Variants in KLHL1 observed in about 807,000 individuals in gnomAD.
KLHL1 encodes the protein kelch like family member 1.
In KLHL1, 47 loss-of-function variants were observed where a neutral mutation model predicts 77.7. The observed-to-expected ratio is 0.60, with a 90% CI of 0.48 to 0.77. The LOEUF (loss-of-function observed/expected upper bound fraction) is 0.77. KLHL1 is among the 30% of genes least tolerant of loss of function. KLHL1 has a pLI of 0.00. For synonymous variants in KLHL1, 360 were observed against 325.2 expected (o/e 1.11, Z -1.15); for missense variants, 925 against 910.8 (o/e 1.02, Z -0.20).
At chr13:69,861,804 A>C (rs906914765) in intron 5 of KLHL1, among the ~76,000 whole-genome samples, 2 of 148,120 alleles carry the variant, frequency 1.4e-5, no homozygotes, top group African/African-American at 2.5e-5. Flanking sequence ...AAAAAAAAAA[A>C]AAAATACAAA....
intron 1 of KLHL1, among the ~76,000 whole-genome samples, chr13:70,021,330 T>A (rs988378911): frequency 6.6e-6 from 1 of 152,148 alleles, no homozygotes; most frequent in Non-Finnish European, 1.5e-5. Context: ...TGGCTTTTCA[T>A]GGCTTGATAG....
chr13:69,771,809 T>C (rs1875582186), intron 7 of KLHL1, among the ~76,000 whole-genome samples: 1 of 152,130 alleles, frequency 6.6e-6, no homozygotes, highest in African/African-American at 2.4e-5. Flanking sequence ...TATTTGTCTT[T>C]TACTCTGAAA....
At chr13:69,735,929 T>C (rs1873742422) in intron 8 of KLHL1, among the ~76,000 whole-genome samples, 1 of 152,166 alleles carries the variant, frequency 6.6e-6, no homozygotes, top group African/African-American at 2.4e-5. Context: ...AAACAAAATA[T>C]ATAATGTGAA....
At chr13:69,999,186 C>T (rs759036895) in intron 1 of KLHL1, among the ~76,000 whole-genome samples, 33 of 152,036 alleles carry the variant, frequency 2.2e-4, no homozygotes, top group South Asian at 4.1e-4. Context: ...TATAATGTAA[C>T]ATAATCACAG....
chr13:69,924,571 T>C (rs925717013), intron 4 of KLHL1, among the ~76,000 whole-genome samples: 2 of 152,172 alleles, frequency 1.3e-5, no homozygotes, highest in African/African-American at 2.4e-5. Context: ...ATAAAACTCC[T>C]GTTTGTCTTG....
intron 4 of KLHL1, among the ~76,000 whole-genome samples, chr13:69,884,563 A>T (rs1245447128): frequency 1.3e-5 from 2 of 152,158 alleles, no homozygotes; most frequent in African/African-American, 4.8e-5. Flanking sequence ...TAGCTAGGCC[A>T]TCAAAATATA....
intron 1 of KLHL1, among the ~76,000 whole-genome samples, chr13:69,994,254 G>C (rs1885094252): frequency 6.6e-6 from 1 of 152,106 alleles, no homozygotes; most frequent in Admixed American, 6.6e-5. Context: ...TATTAATGAG[G>C]CCTGGTTGGG....
rs1887547403 is a variant in KLHL1 at position 70,086,600 on chromosome 13, AAGAAAGAAAGAAAGAAAG to A, written c.497+20585_497+20602del. On this transcript the variant is annotated intron_variant, in intron 1 of 10. Transcript: ENST00000377844. ...AAAAAAAAAAAAAAAAAAAGAAAGAAAGAAAGAAAGAAAGAAAGAAAGAAAGAAAGAAAAAAGAAAAAG... is the reference window on the plus strand; with the variant it reads ...AAAAAAAAAAAAAAAAAAAGAAAGAAAAAGAAAGAAAGAAAAAAGAAAAAG... Among the ~76,000 whole-genome samples the A allele has an allele frequency of 7.9e-4, 30 of 38,026 alleles. 2 individuals carry two copies. The highest frequency in any genetic ancestry group is 1.2e-3 in the Non-Finnish European group (23 of 19,072). 24.9% of individuals were successfully genotyped at this position (38,026 alleles called of 152,430 possible). A position where few individuals can be genotyped will look rare whatever the true frequency, so the allele number is the denominator to read the frequency against.
At chr13:70,028,150 A>G (rs1453786498) in intron 1 of KLHL1, among the ~76,000 whole-genome samples, 1 of 152,202 alleles carries the variant, frequency 6.6e-6, no homozygotes, top group Non-Finnish European at 1.5e-5. Flanking sequence ...GAGAAATAAG[A>G]AATAAAACCA....
At chr13:70,010,714 A>G (rs2137337492) in intron 1 of KLHL1, among the ~76,000 whole-genome samples, 1 of 151,988 alleles carries the variant, frequency 6.6e-6, no homozygotes, top group Admixed American at 6.6e-5. Context: ...AATATGGTGA[A>G]ACCCCATCTC....
rs79790092 is a variant in KLHL1 at position 69,750,935 on chromosome 13, G to C, written c.1640-10379C>G. 5.8e-3 allele frequency among the ~76,000 whole-genome samples: 881 copies of C among 152,070 alleles called. 18 individuals carry two copies. Among genetic ancestry groups the C allele is most frequent in the African/African-American group, 0.02 (849 of 41,498 alleles). On this transcript the variant is annotated intron_variant, in intron 7 of 10. Transcript: ENST00000377844. ...TTCTAATTTAATTGAACTGGGATGA[G>C]GTCCAGACACAGAGATGTTTAAAAG...
chr13:70,029,733 G>A (rs1886047959), intron 1 of KLHL1, among the ~76,000 whole-genome samples: 1 of 152,124 alleles, frequency 6.6e-6, no homozygotes, highest in South Asian at 2.1e-4. Context: ...ATAATGACAG[G>A]ATCATATTCA....
chr13:69,718,523 G>C (rs1049011068), intron 9 of KLHL1, among the ~76,000 whole-genome samples: 2 of 151,358 alleles, frequency 1.3e-5, no homozygotes, highest in African/African-American at 4.9e-5. Flanking sequence ...TTATTTGTTA[G>C]AGTAGAGTTA....
intron 6 of KLHL1, among the ~76,000 whole-genome samples, chr13:69,805,721 C>T (rs1362784046): frequency 1.3e-5 from 2 of 150,276 alleles, no homozygotes; most frequent in Admixed American, 1.3e-4. Flanking sequence ...CACTACAATT[C>T]TGTTGAGAGA....
intron 4 of KLHL1, among the ~76,000 whole-genome samples, chr13:69,934,403 T>C (rs1488763687): frequency 1.3e-5 from 2 of 152,150 alleles, no homozygotes; most frequent in Non-Finnish European, 2.9e-5. Flanking sequence ...GACGTATACA[T>C]ACATACATAT....
intron 8 of KLHL1, among the ~76,000 whole-genome samples, chr13:69,722,604 T>G (rs926008224): frequency 6.6e-6 from 1 of 151,776 alleles, no homozygotes; most frequent in African/African-American, 2.4e-5. Flanking sequence ...CAATGAGATA[T>G]CGCCTCACTC....
intron 7 of KLHL1, among the ~76,000 whole-genome samples, chr13:69,779,104 T>A (rs1194936034): frequency 6.6e-6 from 1 of 152,116 alleles, no homozygotes; most frequent in Non-Finnish European, 1.5e-5. Flanking sequence ...GGTCAGTTAT[T>A]CTTTCTTATT....
rs192586816 is a variant in KLHL1 at position 69,972,014 on chromosome 13, C to A, written c.680+3606G>T. The stretch of plus-strand genomic sequence containing the variant: ...TACTAATTATTTTTTTCTGAAGTTG[C>A]TACAGAGATATTTTAAACTATCAAA... On this transcript the variant is annotated intron_variant, in intron 2 of 10. Transcript: ENST00000377844. 2.4e-3 allele frequency among the ~76,000 whole-genome samples: 362 copies of A among 151,968 alleles called. 2 individuals carry two copies. The highest frequency in any genetic ancestry group is 4.3e-3 in the Non-Finnish European group (290 of 67,868).
intron 1 of KLHL1, among the ~76,000 whole-genome samples, chr13:69,993,131 T>C (rs2137315585): frequency 6.6e-6 from 1 of 152,112 alleles, no homozygotes; most frequent in Non-Finnish European, 1.5e-5. Flanking sequence ...TGGACCCCTA[T>C]TGACTTCAAT....
Sources: allele counts gnomAD v4.1 joint callset (sites outside exome capture counted in the v4.1 genomes callset), GRCh38; gene constraint gnomAD v4.1.1; transcripts MANE v1.5; gene names NCBI Gene and HGNC (gene_info 2026-07-23, HGNC 2026-07-21).